Variants in TLK1 observed in about 807,000 individuals in gnomAD.
TLK1 encodes the protein serine/threonine-protein kinase tousled-like 1.
In TLK1, 24 loss-of-function variants were observed where a neutral mutation model predicts 105.3. The ratio of observed to expected loss-of-function variants is 0.23; its 90% confidence interval spans 0.17 to 0.32. The LOEUF is 0.32. Ranked by LOEUF, TLK1 falls within the 10% of genes least tolerant of loss-of-function variation. The pLI is 1.00. For synonymous variants in TLK1, 321 were observed against 310.4 expected, an observed-to-expected ratio of 1.03 and a Z score of -0.36; for missense variants, 558 against 910.5, an observed-to-expected ratio of 0.61 and a Z score of 4.98.
At chr2:171,175,818 T>C (rs1286345423) in intron 1 of TLK1, among the ~76,000 whole-genome samples, 1 of 152,212 alleles carries the variant, frequency 6.6e-6, no homozygotes, top group Non-Finnish European at 1.5e-5. Flanking sequence ...TTCTCAACCT[T>C]GACTGCACAT....
intron 1 of TLK1, among the ~76,000 whole-genome samples, chr2:171,204,898 C>T (rs1049365998): frequency 2.0e-5 from 3 of 150,778 alleles, no homozygotes; most frequent in Non-Finnish European, 4.4e-5. Flanking sequence ...TCGGAGGTTG[C>T]GGTCAGAGCG....
At chr2:171,147,236 A>G (rs2105588911) in intron 1 of TLK1, among the ~76,000 whole-genome samples, 1 of 152,344 alleles carries the variant, frequency 6.6e-6, no homozygotes, top group East Asian at 1.9e-4. Flanking sequence ...TGCTGAATGA[A>G]CAAACTATGC....
chr2:171,099,315 C>T (rs1689589484), intron 2 of TLK1, among the ~76,000 whole-genome samples: 1 of 152,004 alleles, frequency 6.6e-6, no homozygotes, highest in South Asian at 2.1e-4. Context: ...AAATGCAAGA[C>T]TTATACAGTA....
At chr2:171,012,725 C>T (rs1422080239) in intron 13 of TLK1, among the ~76,000 whole-genome samples, 1 of 152,178 alleles carries the variant, frequency 6.6e-6, no homozygotes, top group African/African-American at 2.4e-5. Flanking sequence ...GATCCGCCTG[C>T]CTCGGCCTCC....
chr2:171,053,022 G>T (rs954686546), intron 8 of TLK1, among the ~76,000 whole-genome samples: 6 of 152,194 alleles, frequency 3.9e-5, no homozygotes, highest in African/African-American at 1.4e-4. Context: ...AGTCTAAGGA[G>T]CATCAAGGGG....
chr2:171,051,251 C>CT (rs1206472739), intron 8 of TLK1, among the ~76,000 whole-genome samples: 1 of 152,148 alleles, frequency 6.6e-6, no homozygotes, highest in African/African-American at 2.4e-5. Context: ...TGTATCATGA[C>CT]TTAACATAAA....
intron 3 of TLK1, among the ~76,000 whole-genome samples, chr2:171,061,534 A>T (rs1292311380): frequency 6.6e-6 from 1 of 152,196 alleles, no homozygotes; most frequent in Admixed American, 6.5e-5. Flanking sequence ...TTAGTTTCCT[A>T]CTACTCAAAC....
intron 19 of TLK1, among the ~76,000 whole-genome samples, chr2:170,997,185 C>T (rs988671111): frequency 1.3e-5 from 2 of 152,128 alleles, no homozygotes; most frequent in African/African-American, 4.8e-5. Context: ...GTGAGGAGAT[C>T]CCACACAAAT....
At chr2:171,045,273 A>G (rs1281492454) in intron 11 of TLK1, 1 of 140,782 alleles carries the variant, frequency 7.1e-6, no homozygotes, top group Non-Finnish European at 1.5e-5. Flanking sequence ...CTTGTCCCCC[A>G]GGCTAAAGTG....
intron 2 of TLK1, among the ~76,000 whole-genome samples, chr2:171,094,300 G>A (rs1575591626): frequency 6.6e-6 from 1 of 151,782 alleles, no homozygotes; most frequent in African/African-American, 2.4e-5. Flanking sequence ...AAAATATGAA[G>A]AAATTAAAAT....
intron 1 of TLK1, among the ~76,000 whole-genome samples, chr2:171,138,999 A>G (rs1691459049): frequency 6.6e-6 from 1 of 152,206 alleles, no homozygotes; most frequent in African/African-American, 2.4e-5. Context: ...GAGCAACTCT[A>G]AAAGTCTGTT....
intron 1 of TLK1, among the ~76,000 whole-genome samples, chr2:171,213,457 C>A (rs1693656713): frequency 6.6e-6 from 1 of 151,808 alleles, no homozygotes. Flanking sequence ...CTCACCTCGA[C>A]CTCCCAAAGT....
At chr2:171,163,149 A>G (rs1575642460), upstream of TLK1, among the ~76,000 whole-genome samples, 1 of 152,204 alleles carries the variant, frequency 6.6e-6, no homozygotes, top group Non-Finnish European at 1.5e-5. Context: ...ACATTGTTGC[A>G]TTATCAATAG....
At chr2:171,099,643 C>G (rs1036703271) in intron 2 of TLK1, among the ~76,000 whole-genome samples, 1 of 151,992 alleles carries the variant, frequency 6.6e-6, no homozygotes, top group Non-Finnish European at 1.5e-5. Context: ...TGTGGTATGG[C>G]GAAAAGATAG....
At chr2:171,022,839 T>C in intron 12 of TLK1, 1 of 251,098 alleles carries the variant, frequency 4.0e-6, no homozygotes, top group Non-Finnish European at 8.1e-6. Context: ...AAAGGGGACA[T>C]CAAACTTCAA....
chr2:171,113,596 T>A (rs562468348), intron 2 of TLK1, among the ~76,000 whole-genome samples: 1 of 152,238 alleles, frequency 6.6e-6, no homozygotes, highest in South Asian at 2.1e-4. Flanking sequence ...CATATATATG[T>A]AAATCATATA....
intron 1 of TLK1, among the ~76,000 whole-genome samples, chr2:171,212,633 T>C (rs1319810554): frequency 6.6e-6 from 1 of 151,792 alleles, no homozygotes; most frequent in Non-Finnish European, 1.5e-5. Context: ...AAGTCCTTTC[T>C]ACCTCTAGCA....
chr2:171,184,400 T>C (rs1198303356), intron 1 of TLK1, among the ~76,000 whole-genome samples: 2 of 152,154 alleles, frequency 1.3e-5, no homozygotes, highest in Admixed American at 1.3e-4. Context: ...CCCAGCATTT[T>C]GGGAGGCCAA....
At chr2:171,146,510 A>T (rs1341767125) in intron 1 of TLK1, among the ~76,000 whole-genome samples, 2 of 152,244 alleles carry the variant, frequency 1.3e-5, no homozygotes. Context: ...ATATTCAAAT[A>T]TATAAAAGAA....
Sources: allele counts gnomAD v4.1 joint callset (sites outside exome capture counted in the v4.1 genomes callset), GRCh38; gene constraint gnomAD v4.1.1; transcripts MANE v1.5; gene names NCBI Gene and HGNC (gene_info 2026-07-23, HGNC 2026-07-21).